AP4S1: variants seen among roughly 807,000 people sequenced by gnomAD.
AP4S1 encodes the protein AP-4 complex subunit sigma-1.
A neutral mutation model predicts 19.8 loss-of-function variants in AP4S1; 23 were observed. The observed-to-expected ratio is 1.16, with a 90% CI of 0.84 to 1.65. The LOEUF is 1.65. Among genes scored for constraint, AP4S1 ranks in the 40% most tolerant of loss-of-function variants. The pLI is 0.00. For synonymous variants in AP4S1, 46 were observed against 54.1 expected, an observed-to-expected ratio of 0.85 and a Z score of 0.66; for missense variants, 166 against 172.8, an observed-to-expected ratio of 0.96 and a Z score of 0.22.
chr14:31,043,268 G>A (rs1885214036), intron 1 of AP4S1, among the ~76,000 whole-genome samples: 1 of 151,332 alleles, frequency 6.6e-6, no homozygotes, highest in South Asian at 2.1e-4. Context: ...TATGTTTAAT[G>A]CCAAATTAAT....
chr14:31,025,978 G>T, intron 1 of AP4S1, 191 bp downstream of exon 1: 1 of 1,578,710 alleles, frequency 6.3e-7, no homozygotes, highest in East Asian at 2.4e-5. Flanking sequence ...TGGATGTAGT[G>T]CAGTATCCCC....
intron 1 of AP4S1, chr14:31,026,730 AG>A: frequency 6.6e-6 from 1 of 152,188 alleles, no homozygotes; most frequent in Non-Finnish European, 1.5e-5. Flanking sequence ...TCCTTTTAGC[AG>A]GCCGTCCCCG....
intron 5 of AP4S1, among the ~76,000 whole-genome samples, chr14:31,089,131 G>T (rs1051935743): frequency 6.7e-6 from 1 of 148,678 alleles, no homozygotes; most frequent in African/African-American, 2.5e-5. Context: ...CTGCACTCCA[G>T]CCTGGGCAAC....
At chr14:31,029,564 T>C (rs552620419) in intron 1 of AP4S1, among the ~76,000 whole-genome samples, 6 of 152,200 alleles carry the variant, frequency 3.9e-5, no homozygotes, top group Non-Finnish European at 7.3e-5. Flanking sequence ...ATGCCTGTAA[T>C]CCCAACACTT....
rs181711723 is a variant in AP4S1 at position 31,037,183 on chromosome 14, C to T, written c.-72+11396C>T. On this transcript the variant is annotated intron_variant, in intron 1 of 5. Coordinates refer to ENST00000542754, the MANE Select transcript of AP4S1 (RefSeq NM_001128126.3). Reference sequence around the variant, plus strand: ...TTACACACATGCACACACACACGCACACACACCCTTCCCACCCCAACCTCT... The same window carrying T: ...TTACACACATGCACACACACACGCATACACACCCTTCCCACCCCAACCTCT... Among the ~76,000 whole-genome samples, 7 of 152,212 alleles carry T rather than the reference C, an allele frequency of 4.6e-5. No individual in the cohort carries two copies. In the East Asian group the frequency reaches 5.8e-4, roughly 13 times the overall value.
At position 31,058,713 on chromosome 14, in the gene AP4S1, A is replaced by G. The variant is rs1012535546; in HGVS notation, c.-71-7413A>G. Among the ~76,000 whole-genome samples, 7 of 149,856 alleles carry G rather than the reference A, an allele frequency of 4.7e-5. No homozygotes were observed. In the South Asian group the frequency reaches 1.5e-3, roughly 32 times the overall value. ...TTCCTAAGTAGCTGGGACTATAGGT[A>G]CACACCGCGATGCCTGGCTTTTTTT... On this transcript the variant is annotated intron_variant, in intron 1 of 5. Coordinates refer to ENST00000542754, the MANE Select transcript of AP4S1 (RefSeq NM_001128126.3).
chr14:31,038,838 TC>T (rs1362297545), intron 1 of AP4S1, among the ~76,000 whole-genome samples: 2 of 152,182 alleles, frequency 1.3e-5, no homozygotes, highest in African/African-American at 4.8e-5. Context: ...TATGCTCTGT[TC>T]CTGAGTTGGT....
chr14:31,026,348 C>T (rs1883934068), intron 1 of AP4S1: 8 of 469,998 alleles, frequency 1.7e-5, no homozygotes, highest in South Asian at 1.2e-4. Context: ...AGGGAGCTGC[C>T]GGCTGCCGCC....
At chr14:31,029,418 A>T (rs147409925) in intron 1 of AP4S1, among the ~76,000 whole-genome samples, 1 of 152,336 alleles carries the variant, frequency 6.6e-6, no homozygotes, top group Non-Finnish European at 1.5e-5. Context: ...ATGCCACCTC[A>T]TTCTTCTCTT....
At chr14:31,072,401 C>T (rs1010381991) in intron 3 of AP4S1, among the ~76,000 whole-genome samples, 3 of 151,804 alleles carry the variant, frequency 2.0e-5, no homozygotes, top group East Asian at 1.9e-4. Flanking sequence ...GATAGGACCT[C>T]GCTCTGTTTC....
chr14:31,047,519 C>T (rs1885484382), intron 1 of AP4S1, among the ~76,000 whole-genome samples: 1 of 151,434 alleles, frequency 6.6e-6, no homozygotes, highest in African/African-American at 2.4e-5. Flanking sequence ...TCCAGAGTAG[C>T]TGGGACTACA....
At chr14:31,025,584 G>C, upstream of AP4S1, 2 of 432,782 alleles carry the variant, frequency 4.6e-6, no homozygotes, top group Non-Finnish European at 4.3e-6. Context: ...CCACAGAGAG[G>C]TGCTCGGTCC....
chr14:31,055,026 G>GGGGACAT (rs1886029353), intron 1 of AP4S1, among the ~76,000 whole-genome samples: 1 of 151,134 alleles, frequency 6.6e-6, no homozygotes, highest in Non-Finnish European at 1.5e-5. Context: ...ATCCCAATCA[G>GGGGACAT]GGGACATTCC....
At chr14:31,026,049 G>A in intron 1 of AP4S1, 1 of 1,531,434 alleles carries the variant, frequency 6.5e-7, no homozygotes, top group Non-Finnish European at 8.8e-7. Context: ...CGCTCCCTCG[G>A]AGGCCGGAGG....
intron 4 of AP4S1, among the ~76,000 whole-genome samples, chr14:31,077,667 T>C (rs932440016): frequency 2.0e-5 from 3 of 152,174 alleles, no homozygotes; most frequent in Non-Finnish European, 4.4e-5. Context: ...TTCTGGTACA[T>C]GCTTAATTTT....
At chr14:31,035,704 G>C (rs891097695) in intron 1 of AP4S1, among the ~76,000 whole-genome samples, 1 of 147,772 alleles carries the variant, frequency 6.8e-6, no homozygotes, top group African/African-American at 2.5e-5. Context: ...ATTTATTGAA[G>C]AGACCAGGTT....
intron 3 of AP4S1, among the ~76,000 whole-genome samples, chr14:31,070,189 T>A (rs901193897): frequency 1.3e-5 from 2 of 152,054 alleles, no homozygotes; most frequent in African/African-American, 4.8e-5. Context: ...AGATGGGGTT[T>A]CACCATCGAG....
chr14:31,071,231 GTTGT>G (rs566608082), intron 3 of AP4S1, among the ~76,000 whole-genome samples: 478 of 152,246 alleles, frequency 3.1e-3, no homozygotes, highest in Middle Eastern at 0.014. Flanking sequence ...ATATTGATTT[GTTGT>G]TTTTTATCCA....
Position 31,085,098 on chromosome 14 carries a change from C to T in AP4S1, c.306+4514C>T, listed in dbSNP as rs867634212. ...CAGGCCTGGACAGCCAGGGGCTCCT[C>T]GGGCCCTGTGCTCTAGAAGGCCCAT... On this transcript the variant is annotated intron_variant, in intron 5 of 5. Coordinates refer to ENST00000542754, the MANE Select transcript of AP4S1 (RefSeq NM_001128126.3). The T allele has an allele frequency of 5.4e-5, 74 of 1,377,694 alleles. 1 individual carries two copies. The Middle Eastern group carries it at 3.3e-3, about 62-fold the overall frequency. The allele number at this position is 1,377,694 out of a possible 1,614,324, so 85.3% of individuals were successfully genotyped here.
Sources: gnomAD v4.1 joint callset for allele counts (sites outside exome capture counted in the v4.1 genomes callset) on GRCh38, gnomAD v4.1.1 for gene constraint, MANE v1.5 for transcripts, NCBI Gene and HGNC (gene_info 2026-07-23, HGNC 2026-07-21) for gene names.